PUDP: variants seen among roughly 807,000 people sequenced by gnomAD.
The protein encoded by PUDP is pseudouridine 5'-phosphatase.
Under a neutral mutation model 9.4 loss-of-function variants are expected in PUDP, and 8 were observed. The observed-to-expected ratio is 0.85, with a 90% CI of 0.50 to 1.53. PUDP has a LOEUF of 1.53. Ranked by LOEUF, PUDP falls within the 40% of genes most tolerant of loss-of-function variation. The pLI is 0.00. For synonymous variants in PUDP, 99 were observed against 80.7 expected, an observed-to-expected ratio of 1.23 and a Z score of -1.22; for missense variants, 188 against 189.7, an observed-to-expected ratio of 0.99 and a Z score of 0.05.
intron 3 of PUDP, among the ~76,000 whole-genome samples, chrX:6,904,039 C>A (rs987341538): frequency 1.2e-3 from 131 of 107,545 alleles, no homozygotes; most frequent in African/African-American, 4.2e-3. Context: ...GCAACCTCTG[C>A]CTCCTGGGTT....
intron 3 of PUDP, among the ~76,000 whole-genome samples, chrX:6,902,583 G>A (rs1235534180): frequency 8.9e-6 from 1 of 112,364 alleles, no homozygotes; most frequent in Admixed American, 9.4e-5. Flanking sequence ...GTATTTGGGG[G>A]CAGAGGGCAG....
At chrX:7,008,488 C>A (rs1229708492) in intron 1 of PUDP, among the ~76,000 whole-genome samples, 1 of 111,015 alleles carries the variant, frequency 9.0e-6, no homozygotes, top group Non-Finnish European at 1.9e-5. Flanking sequence ...AGGGCACATT[C>A]TTTCTCTATA....
intron 3 of PUDP, among the ~76,000 whole-genome samples, chrX:6,775,590 T>C (rs1602614353): frequency 9.0e-6 from 1 of 111,023 alleles, no homozygotes; most frequent in Admixed American, 9.6e-5. Flanking sequence ...ATAGACTGAA[T>C]GTCTCTGTCC....
intron 3 of PUDP, among the ~76,000 whole-genome samples, chrX:6,797,253 C>A (rs1925859411): frequency 9.0e-6 from 1 of 111,080 alleles, no homozygotes; most frequent in South Asian, 3.8e-4. Context: ...GTCTCTAGCA[C>A]AAGAACTGAG....
intron 3 of PUDP, among the ~76,000 whole-genome samples, chrX:6,848,736 C>G (rs1002040824): frequency 1.8e-5 from 2 of 111,553 alleles, no homozygotes; most frequent in South Asian, 7.7e-4. Flanking sequence ...TTAGTTCACG[C>G]GAGATCTGGT....
intron 3 of PUDP, among the ~76,000 whole-genome samples, chrX:6,739,994 G>T (rs1235476451): frequency 1.8e-5 from 2 of 111,050 alleles, no homozygotes; most frequent in Non-Finnish European, 3.8e-5. Context: ...TTTATTTATC[G>T]CAGAATGTCT....
intron 3 of PUDP, among the ~76,000 whole-genome samples, chrX:6,947,223 A>G (rs2146780101): frequency 9.1e-6 from 1 of 109,505 alleles, no homozygotes; most frequent in East Asian, 2.9e-4. Context: ...GCTAGTCTTG[A>G]ACTCCTGACC....
chrX:7,042,984 C>T lies in PUDP; in HGVS notation c.204+34236G>A, dbSNP rs189346116. ...TCTATCTCCTTGACCTCTGTATTTGCGATGCCTGGCAGAGGGCTGTGAACA... is the reference window on the plus strand; with the variant it reads ...TCTATCTCCTTGACCTCTGTATTTGTGATGCCTGGCAGAGGGCTGTGAACA... On this transcript the variant is annotated intron_variant and NMD_transcript_variant, in intron 1 of 3. Transcript: ENST00000655425. Among the ~76,000 whole-genome samples, 478 of 111,804 alleles carry T rather than the reference C, an allele frequency of 4.3e-3. 1 individual carries two copies. The highest frequency in any genetic ancestry group is 6.7e-3 in the Non-Finnish European group (354 of 53,208).
At chrX:6,946,637 A>G (rs1395940161) in intron 3 of PUDP, among the ~76,000 whole-genome samples, 1 of 112,423 alleles carries the variant, frequency 8.9e-6, no homozygotes, top group African/African-American at 3.2e-5. Flanking sequence ...TCTCAAATGG[A>G]GTAATGTGTA....
intron 1 of PUDP, chrX:6,989,870 A>G (rs1929153201): frequency 8.9e-6 from 1 of 111,914 alleles, no homozygotes; most frequent in Non-Finnish European, 1.9e-5. Flanking sequence ...GACATAAGGT[A>G]GAGCACTGAC....
intron 1 of PUDP, among the ~76,000 whole-genome samples, chrX:7,128,492 C>T (rs1259781082): frequency 1.8e-5 from 2 of 111,820 alleles, no homozygotes; most frequent in Admixed American, 1.9e-4. Context: ...ATACTAAGCA[C>T]CCACAGTACA....
intron 1 of PUDP, among the ~76,000 whole-genome samples, chrX:7,110,486 G>A (rs1469718053): frequency 1.8e-5 from 2 of 111,515 alleles, no homozygotes; most frequent in South Asian, 3.8e-4. Context: ...CGTTATTTAC[G>A]GGGAAAACAC....
At position 6,924,067 on chromosome X, in the gene PUDP, A is replaced by G. The variant is rs146577257; in HGVS notation, c.*247+53066T>C. ...TCCTTCGTCCTCCTGCAAAGTCACC[A>G]TCTAAGGGAGCCCTTCCCAGACACG... On this transcript the variant is annotated intron_variant and NMD_transcript_variant, in intron 3 of 3. Coordinates refer to the PUDP transcript ENST00000655425. 6.8e-3 allele frequency among the ~76,000 whole-genome samples: 754 copies of G among 110,879 alleles called. 8 individuals are homozygous for G. Among genetic ancestry groups the G allele is most frequent in the African/African-American group, 0.023 (708 of 30,496 alleles).
intron 3 of PUDP, among the ~76,000 whole-genome samples, chrX:6,888,070 G>C (rs1269702665): frequency 9.0e-6 from 1 of 111,621 alleles, no homozygotes; most frequent in Non-Finnish European, 1.9e-5. Context: ...TGCTCTTTTT[G>C]AGAGCGAGAA....
At chrX:7,080,945 T>A (rs1179208644) in intron 2 of PUDP, among the ~76,000 whole-genome samples, 3 of 107,292 alleles carry the variant, frequency 2.8e-5, no homozygotes, top group African/African-American at 1.0e-4. Context: ...AATTAGCCAA[T>A]CATGAACTTC....
At chrX:6,919,897 A>AAAAAAAAAAAAAAG (rs1927995097) in intron 3 of PUDP, among the ~76,000 whole-genome samples, 2 of 94,764 alleles carry the variant, frequency 2.1e-5, no homozygotes, top group African/African-American at 7.8e-5. Flanking sequence ...AAAAAAAAAA[A>AAAAAAAAAAAAAAG]GAATGTCTGG....
chrX:6,839,942 T>C (rs1183859065), intron 3 of PUDP, among the ~76,000 whole-genome samples: 1 of 111,289 alleles, frequency 9.0e-6, no homozygotes, highest in Non-Finnish European at 1.9e-5. Context: ...GATTTTTTAG[T>C]GCATTTATTT....
intron 3 of PUDP, among the ~76,000 whole-genome samples, chrX:6,888,858 A>C (rs1927470764): frequency 9.0e-6 from 1 of 110,911 alleles, no homozygotes; most frequent in Admixed American, 9.6e-5. Context: ...AGTGCTTCCA[A>C]ATTCCATTTT....
chrX:6,892,276 T>C (rs1411051239), intron 3 of PUDP, among the ~76,000 whole-genome samples: 1 of 112,005 alleles, frequency 8.9e-6, no homozygotes, highest in Non-Finnish European at 1.9e-5. Flanking sequence ...GACTGAGTTG[T>C]GCTCTCCACA....
Sources: allele counts gnomAD v4.1 joint callset (sites outside exome capture counted in the v4.1 genomes callset), GRCh38; gene constraint gnomAD v4.1.1; transcripts MANE v1.5; gene names NCBI Gene and HGNC (gene_info 2026-07-23, HGNC 2026-07-21).